MALL: variants seen among roughly 807,000 people sequenced by gnomAD.
The protein encoded by MALL is mal, T cell differentiation protein like, also known as MAL-like protein.
MALL carries 2 observed loss-of-function variants against 10.3 expected under a neutral mutation model. That is an observed-to-expected ratio of 0.19 (90% confidence interval 0.08 to 0.61). The LOEUF is 0.61. Ranked by LOEUF, MALL falls within the 20% of genes least tolerant of loss-of-function variation. The probability of loss-of-function intolerance (pLI) is 0.88; values close to 1 mark genes in which losing one functional copy is unlikely to be tolerated. For missense variants in MALL, 39 were observed against 115.2 expected (o/e 0.34, Z 3.03); for synonymous variants, 27 against 51.8 (o/e 0.52, Z 2.05).
At chr2:110,115,256 CG>C (rs1387178671) in intron 1 of MALL, among the ~76,000 whole-genome samples, 3 of 152,180 alleles carry the variant, frequency 2.0e-5, no homozygotes, top group Admixed American at 6.5e-5. Context: ...AAAGAAGCCG[CG>C]TAATTAAAAT....
chr2:110,114,707 A>G (rs1678872184), intron 1 of MALL, among the ~76,000 whole-genome samples: 1 of 151,196 alleles, frequency 6.6e-6, no homozygotes, highest in African/African-American at 2.4e-5. Flanking sequence ...CTTTGCAAGC[A>G]GAAGACGAGA....
At chr2:110,097,095 CAAA>C (rs71405880) in intron 1 of MALL, among the ~76,000 whole-genome samples, 1 of 139,682 alleles carries the variant, frequency 7.2e-6, no homozygotes, top group African/African-American at 2.7e-5. Context: ...CAAAACAAAA[CAAA>C]AAAAAAAAAA....
At chr2:110,108,122 A>G (rs1394531261) in intron 1 of MALL, among the ~76,000 whole-genome samples, 2 of 152,264 alleles carry the variant, frequency 1.3e-5, no homozygotes, top group African/African-American at 4.8e-5. Context: ...ATGACGAAAC[A>G]AGGATCTTCA....
intron 1 of MALL, among the ~76,000 whole-genome samples, chr2:110,096,946 G>A (rs1422021944): frequency 6.6e-6 from 1 of 152,142 alleles, no homozygotes; most frequent in Non-Finnish European, 1.5e-5. Context: ...AATGATGCAT[G>A]TGAGCAAAAT....
At chr2:110,115,890 AG>A, upstream of MALL, 1 of 340,782 alleles carries the variant, frequency 2.9e-6, no homozygotes. Context: ...GTCGCCTGGG[AG>A]GGAAAAAAAA....
chr2:110,115,531 G>A (rs576300448), intron 1 of MALL, among the ~76,000 whole-genome samples, 157 bp downstream of exon 1: 12 of 147,448 alleles, frequency 8.1e-5, no homozygotes, highest in African/African-American at 3.1e-4. Flanking sequence ...GTCCGAGGCC[G>A]GTCTCCCCCC....
intron 1 of MALL, among the ~76,000 whole-genome samples, chr2:110,106,870 C>T (rs193297189): frequency 6.6e-6 from 1 of 152,122 alleles, no homozygotes; most frequent in Non-Finnish European, 1.5e-5. Flanking sequence ...GACCACGGAA[C>T]GCTACTTAGC....
At chr2:110,114,515 CA>C (rs1678868359) in intron 1 of MALL, among the ~76,000 whole-genome samples, 1 of 151,862 alleles carries the variant, frequency 6.6e-6, no homozygotes, top group Admixed American at 6.6e-5. Context: ...GTTATGTCAT[CA>C]GTCTGGCAGG....
intron 1 of MALL, among the ~76,000 whole-genome samples, chr2:110,105,167 A>G (rs575796334): frequency 1.2e-4 from 19 of 152,352 alleles, no homozygotes; most frequent in African/African-American, 4.6e-4. Context: ...ATGAAGAAGC[A>G]GAGCCAGACT....
At chr2:110,112,344 G>T (rs1678822583) in intron 1 of MALL, among the ~76,000 whole-genome samples, 1 of 152,046 alleles carries the variant, frequency 6.6e-6, no homozygotes, top group South Asian at 2.1e-4. Flanking sequence ...TCTGACAAAG[G>T]TCTAATATTC....
intron 1 of MALL, 134 bp downstream of exon 1, chr2:110,115,554 G>C: frequency 4.6e-6 from 2 of 434,780 alleles, no homozygotes; most frequent in Non-Finnish European, 7.8e-6. Flanking sequence ...CTCTCTGCAG[G>C]TGGCCCCTGT....
chr2:110,108,835 C>T (rs1375316562), intron 1 of MALL, among the ~76,000 whole-genome samples: 1 of 152,198 alleles, frequency 6.6e-6, no homozygotes, highest in African/African-American at 2.4e-5. Flanking sequence ...AGATTAGCAG[C>T]AGATTTCTCA....
At chr2:110,095,902 C>G (rs1357617325) in intron 1 of MALL, among the ~76,000 whole-genome samples, 6 of 152,114 alleles carry the variant, frequency 3.9e-5, no homozygotes, top group Non-Finnish European at 7.3e-5. Flanking sequence ...ACCGCTTGAG[C>G]TTCTTACAGC....
rs1376775054 is a variant in MALL at position 110,115,697 on chromosome 2, C to G, written c.96G>C (p.Leu32=). The G allele has an allele frequency of 1.6e-6, 2 of 1,284,802 alleles. No individual in the cohort carries two copies. Among genetic ancestry groups the G allele is most frequent in the Admixed American group, 3.5e-5 (1 of 28,324 alleles). The allele number at this position is 1,284,802 out of a possible 1,614,324, so 79.6% of individuals were successfully genotyped here. Residue 32 remains leucine, a synonymous_variant, in exon 1 of 4, where the codon CTG becomes CTC. Transcript: ENST00000272462. ...LFLTIPFAFF[L]PELIFGFLVW... ...GGGGTGCCGCACTCACCAGCTCGGG[C>G]AGGAAGAAGGCGAAAGGGATGGTGA...
intron 1 of MALL, among the ~76,000 whole-genome samples, chr2:110,095,621 A>G (rs1678423929): frequency 6.6e-6 from 1 of 152,120 alleles, no homozygotes; most frequent in African/African-American, 2.4e-5. Flanking sequence ...CCATCTTATA[A>G]CCTGCATTTT....
chr2:110,110,151 C>A (rs1445368182), intron 1 of MALL, among the ~76,000 whole-genome samples: 2 of 151,942 alleles, frequency 1.3e-5, no homozygotes, highest in East Asian at 3.9e-4. Flanking sequence ...TAAGGTCACA[C>A]CTCAAGGAAC....
intron 1 of MALL, among the ~76,000 whole-genome samples, chr2:110,100,578 A>T (rs1240038700): frequency 3.3e-5 from 5 of 152,052 alleles, no homozygotes; most frequent in African/African-American, 9.7e-5. Flanking sequence ...TTTCACTTAC[A>T]CACACACCCA....
chr2:110,099,330 G>C (rs1186340918), intron 1 of MALL, among the ~76,000 whole-genome samples: 2 of 152,178 alleles, frequency 1.3e-5, no homozygotes, highest in Non-Finnish European at 2.9e-5. Flanking sequence ...GCATGTCAAT[G>C]ACTGTGAAAG....
intron 1 of MALL, among the ~76,000 whole-genome samples, chr2:110,092,627 G>A (rs1311688333): frequency 4.0e-4 from 42 of 104,020 alleles, no homozygotes; most frequent in African/African-American, 1.1e-3. Context: ...TTCTTCTCAC[G>A]CACACCAACA....
Sources: allele counts gnomAD v4.1 joint callset (sites outside exome capture counted in the v4.1 genomes callset), GRCh38; gene constraint gnomAD v4.1.1; transcripts MANE v1.5; gene names NCBI Gene and HGNC (gene_info 2026-07-23, HGNC 2026-07-21).